Variants in CNTN3 observed in about 807,000 individuals in gnomAD.
CNTN3 encodes the protein contactin 3, also known as contactin-3.
In CNTN3, 60 loss-of-function variants were observed where a neutral mutation model predicts 119.1. The observed-to-expected ratio is 0.50, with a 90% CI of 0.41 to 0.62. CNTN3 has a LOEUF of 0.62. Among genes scored for constraint, CNTN3 ranks in the 20% least tolerant of loss-of-function variants. CNTN3 has a pLI of 0.00. For synonymous variants in CNTN3, 450 were observed against 438.7 expected (o/e 1.03, Z -0.32); for missense variants, 1,101 against 1,242.4 (o/e 0.89, Z 1.71).
Position 74,269,873 on chromosome 3 carries a change from G to A in CNTN3, c.2705-2495C>T, listed in dbSNP as rs141704320. Among the ~76,000 whole-genome samples, 736 of 152,244 alleles carry A rather than the reference G, an allele frequency of 4.8e-3. 5 individuals carry two copies. The highest frequency in any genetic ancestry group is 0.017 in the African/African-American group (687 of 41,544). On this transcript the variant is annotated intron_variant, in intron 20 of 22. Transcript: ENST00000263665. ...CCAGAGGCTGGTGGAAGGGGAAATG[G>A]AGAATTGCTTAATGAGTACAAAGTT...
intron 11 of CNTN3, among the ~76,000 whole-genome samples, chr3:74,353,629 G>A (rs964046074): frequency 1.3e-5 from 2 of 152,104 alleles, no homozygotes; most frequent in South Asian, 2.1e-4. Flanking sequence ...GGTGGCAGGC[G>A]CCTGTAGTCC....
intron 13 of CNTN3, among the ~76,000 whole-genome samples, chr3:74,304,149 G>A (rs1390780948): frequency 3.3e-5 from 5 of 152,130 alleles, no homozygotes. Context: ...CATGTTCTCT[G>A]TTAGTTGTAT....
At chr3:74,573,284 CTT>C (rs1704363232) in intron 1 of CNTN3, among the ~76,000 whole-genome samples, 1 of 151,624 alleles carries the variant, frequency 6.6e-6, no homozygotes, top group Non-Finnish European at 1.5e-5. Flanking sequence ...TTGAAGAGTG[CTT>C]TCTTTTTTTT....
At chr3:74,563,129 T>C (rs1378077323) in intron 1 of CNTN3, among the ~76,000 whole-genome samples, 1 of 152,168 alleles carries the variant, frequency 6.6e-6, no homozygotes, top group Non-Finnish European at 1.5e-5. Flanking sequence ...GCTGCTGGGT[T>C]CCATCTATTG....
chr3:74,518,446 C>T (rs1438573748), intron 2 of CNTN3, among the ~76,000 whole-genome samples: 1 of 151,846 alleles, frequency 6.6e-6, no homozygotes, highest in Non-Finnish European at 1.5e-5. Context: ...AGTATCAATG[C>T]TATCAAATCA....
intron 1 of CNTN3, among the ~76,000 whole-genome samples, chr3:74,613,389 T>C (rs770641765): frequency 7.9e-5 from 12 of 151,970 alleles, no homozygotes; most frequent in Non-Finnish European, 1.3e-4. Flanking sequence ...GCCCTCCTTG[T>C]CTGTTGCTTT....
Position 74,380,842 on chromosome 3 carries a change from T to C in CNTN3, c.455-9443A>G, listed in dbSNP as rs191711153. 3.9e-4 allele frequency among the ~76,000 whole-genome samples: 59 copies of C among 152,326 alleles called. 1 individual carries two copies. In the East Asian group the frequency reaches 0.011, roughly 29 times the overall value. On this transcript the variant is annotated intron_variant, in intron 5 of 22. Transcript: ENST00000263665. ...CCACATTACATCTCATTTTCTTTTA[T>C]CAAAATTTAAACTCTTTCCTTTAAG...
At chr3:74,496,540 C>G (rs1703067309) in intron 3 of CNTN3, among the ~76,000 whole-genome samples, 1 of 152,050 alleles carries the variant, frequency 6.6e-6, no homozygotes, top group Admixed American at 6.6e-5. Context: ...TTACCCCAAT[C>G]TCACTGAAAC....
At chr3:74,561,586 G>T (rs1345815365) in intron 1 of CNTN3, among the ~76,000 whole-genome samples, 1 of 152,092 alleles carries the variant, frequency 6.6e-6, no homozygotes, top group Non-Finnish European at 1.5e-5. Context: ...TCTCTGCTCA[G>T]CAGAGGCCTC....
chr3:74,354,401 A>G (rs1703886574), intron 11 of CNTN3, among the ~76,000 whole-genome samples: 1 of 152,140 alleles, frequency 6.6e-6, no homozygotes, highest in South Asian at 2.1e-4. Flanking sequence ...GAGATAAGTT[A>G]AATAATCTTT....
chr3:74,522,912 G>A lies in CNTN3; in HGVS notation c.-80-1720C>T, dbSNP rs79895691. ...ACTGTGCATAGAAAACAGGCTTTTT[G>A]AAGTTATTTTTAACAGCACCAGGTC... On this transcript the variant is annotated intron_variant, in intron 1 of 22. Transcript: ENST00000263665. Among the ~76,000 whole-genome samples, 883 of 151,762 alleles carry A rather than the reference G, an allele frequency of 5.8e-3. 5 individuals are homozygous for A. Among genetic ancestry groups the A allele is most frequent in the Non-Finnish European group, 9.2e-3 (623 of 67,770 alleles).
chr3:74,407,435 A>AT (rs372596619), intron 5 of CNTN3, among the ~76,000 whole-genome samples: 9,143 of 136,434 alleles, frequency 0.067, 810 homozygotes, highest in African/African-American at 0.2. Context: ...CGCCTGGCTA[A>AT]TTTTTTTTTT....
chr3:74,607,691 A>C (rs2106713944), intron 1 of CNTN3, among the ~76,000 whole-genome samples: 1 of 152,340 alleles, frequency 6.6e-6, no homozygotes, highest in Non-Finnish European at 1.5e-5. Flanking sequence ...AAGGTAAAGG[A>C]GTTCATGATA....
Position 74,522,019 on chromosome 3 carries a change from TGCTACTGATTGA to T in CNTN3, c.-80-839_-80-828del, listed in dbSNP as rs201931014. ...GGGTACAACTCTCTGATTCAGCAGC[TGCTACTGATTGA>T]GCTGTTTTAGTTGTCACTGACCCAA... On this transcript the variant is annotated intron_variant, in intron 1 of 22. Coordinates refer to ENST00000263665, the MANE Select transcript of CNTN3 (RefSeq NM_020872.3). Among the ~76,000 whole-genome samples the T allele has an allele frequency of 8.9e-4, 136 of 152,012 alleles. 4 individuals are homozygous for T. The East Asian group carries it at 0.021, about 24-fold the overall frequency.
chr3:74,286,665 A>C (rs373459585), intron 19 of CNTN3, among the ~76,000 whole-genome samples: 14 of 152,294 alleles, frequency 9.2e-5, no homozygotes, highest in African/African-American at 3.1e-4. Flanking sequence ...AAGGCTGATA[A>C]TTTTCCAGAA....
At chr3:74,395,791 G>A (rs933159457) in intron 5 of CNTN3, among the ~76,000 whole-genome samples, 5 of 152,066 alleles carry the variant, frequency 3.3e-5, no homozygotes, top group African/African-American at 1.2e-4. Context: ...GAAGGTGTGT[G>A]GCAGCCCTGT....
intron 4 of CNTN3, among the ~76,000 whole-genome samples, chr3:74,442,915 T>C (rs1395725788): frequency 6.6e-6 from 1 of 152,206 alleles, no homozygotes; most frequent in Non-Finnish European, 1.5e-5. Flanking sequence ...ATCTGGGACT[T>C]AAGCCCATAC....
intron 4 of CNTN3, among the ~76,000 whole-genome samples, chr3:74,461,394 A>T (rs1406078520): frequency 2.0e-5 from 3 of 152,018 alleles, no homozygotes; most frequent in African/African-American, 7.2e-5. Context: ...GCATCTCTGT[A>T]ATGTCTTTTA....
At chr3:74,338,284 A>C (rs1010736997) in intron 11 of CNTN3, among the ~76,000 whole-genome samples, 1 of 152,072 alleles carries the variant, frequency 6.6e-6, no homozygotes, top group African/African-American at 2.4e-5. Flanking sequence ...ATCTGTAAAA[A>C]TGTTTATTGC....
Sources: allele counts gnomAD v4.1 joint callset (sites outside exome capture counted in the v4.1 genomes callset), GRCh38; gene constraint gnomAD v4.1.1; transcripts MANE v1.5; gene names NCBI Gene and HGNC (gene_info 2026-07-23, HGNC 2026-07-21).